The following TMC4 variants were observed in gnomAD, a reference collection of about 807,000 sequenced individuals.
TMC4 encodes the protein transmembrane channel like 4.
Under a neutral mutation model 82.0 loss-of-function variants are expected in TMC4, and 70 were observed. The ratio of observed to expected loss-of-function variants is 0.85; its 90% CI spans 0.70 to 1.04. TMC4 has a LOEUF of 1.04. Ranked by LOEUF, TMC4 falls within the 50% of genes least tolerant of loss-of-function variation. TMC4 has a pLI of 0.00. For missense variants in TMC4, 879 were observed against 899.0 expected (o/e 0.98, Z 0.28); for synonymous variants, 446 against 406.0 (o/e 1.10, Z -1.18).
intron 3 of TMC4, 142 bp downstream of exon 3, chr19:54,169,370 C>T (rs1481226589): frequency 1.8e-6 from 2 of 1,135,852 alleles, no homozygotes; most frequent in African/African-American, 3.2e-5. Flanking sequence ...AGTCCAGACC[C>T]CCAGCCCCTC....
At position 54,163,509 on chromosome 19, in the gene TMC4, T is replaced by C. The variant is rs547651297; in HGVS notation, c.1277+215A>G. 7.9e-6 allele frequency: 5 copies of C among 633,760 alleles called. No homozygotes were observed. In the South Asian group the frequency reaches 9.4e-5, roughly 12 times the overall value. 39.3% of individuals were successfully genotyped at this position (633,760 alleles called of 1,614,324 possible). On this transcript the variant is annotated intron_variant, in intron 8 of 14. Transcript: ENST00000619895. Reference sequence around the variant, plus strand: ...TTTTACTACAGACGGGGTTTCATCATGTTTGTCAGGCTGGTCTCGAACTCC... The same window carrying C: ...TTTTACTACAGACGGGGTTTCATCACGTTTGTCAGGCTGGTCTCGAACTCC...
At chr19:54,169,414 C>T in intron 3 of TMC4, 98 bp downstream of exon 3, 1 of 1,473,054 alleles carries the variant, frequency 6.8e-7, no homozygotes, top group Non-Finnish European at 9.0e-7. Context: ...GCCCAAGCCC[C>T]TCCTCCCTCA....
At chr19:54,162,060 A>G (rs746862124) in intron 11 of TMC4, 42 bp downstream of exon 11, 5 of 1,548,988 alleles carry the variant, frequency 3.2e-6, no homozygotes, top group African/African-American at 1.4e-5. Flanking sequence ...GCGGGCCCCA[A>G]TACCTCCTGC....
Position 54,161,236 on chromosome 19 carries a change from G to A in TMC4, c.1711C>T (p.Pro571Ser). 1.3e-6 allele frequency: 2 copies of A among 1,560,736 alleles called. No individual in the cohort carries two copies. The highest frequency in any genetic ancestry group is 1.7e-6 in the Non-Finnish European group (2 of 1,154,884). The change falls in exon 12 of 15, where the codon CCG becomes TCG. Residue 571 changes from proline (P) to serine (S), a missense_variant. Pro to Ser is a moderately conservative substitution (Grantham distance 74). Coordinates refer to ENST00000619895, the MANE Select transcript of TMC4 (RefSeq NM_144686.4). ...GAGGCCCGGAAGGTGCGGGCAGCCG[G>A]GGAGCAGGTGGAGAAGAGGGTAAGC... ...KKLTLFSTCS[P>S]AARTFRASAA...
In TMC4 at chr19:54,168,264, T is replaced by G; in HGVS notation, c.704A>C (p.Tyr235Ser). The G allele has an allele frequency of 6.4e-7, 1 of 1,556,972 alleles. No individual in the cohort carries two copies. Among genetic ancestry groups the G allele is most frequent in the African/African-American group, 1.4e-5 (1 of 73,288 alleles). ...EGYLEWSPLFYGFYPPRPRLA... is the reference protein window; with the variant it reads ...EGYLEWSPLFSGFYPPRPRLA... ...GCGTGGGCGGGGCGGGTAGAAGCCATAGAAGAGAGGGGACCATTCCAGGTA... is the reference window on the plus strand; with the variant it reads ...GCGTGGGCGGGGCGGGTAGAAGCCAGAGAAGAGAGGGGACCATTCCAGGTA... Residue 235 changes from tyrosine to serine, a missense_variant, in exon 5 of 15, where the codon TAT becomes TCT. Physicochemically the swap from Tyr to Ser is moderately radical, Grantham distance 144. Coordinates refer to ENST00000619895, the MANE Select transcript of TMC4 (RefSeq NM_144686.4).
intron 3 of TMC4, 79 bp from the exon 4 acceptor site, chr19:54,168,759 A>G: frequency 1.4e-6 from 1 of 719,904 alleles, no homozygotes; most frequent in Non-Finnish European, 2.0e-6. Context: ...ACTGGGGTCC[A>G]GCCGCGCCTT....
rs927086657 is a variant in TMC4 at position 54,167,379 on chromosome 19, G to A, written c.797+792C>T. 2.0e-5 allele frequency among the ~76,000 whole-genome samples: 3 copies of A among 151,930 alleles called. 1 individual carries two copies. The South Asian group carries it at 6.2e-4, about 32-fold the overall frequency. On this transcript the variant is annotated intron_variant, in intron 5 of 14. Transcript: ENST00000619895. Reference sequence around the variant, plus strand: ...TCGAGACCAGCCTGGCCAACATGGCGATACCCCGTCTCTACTAAAAATACA... The same window carrying A: ...TCGAGACCAGCCTGGCCAACATGGCAATACCCCGTCTCTACTAAAAATACA...
At chr19:54,172,951 G>C (rs925666621) in intron 1 of TMC4, 88 bp downstream of exon 1, 1 of 1,161,656 alleles carries the variant, frequency 8.6e-7, no homozygotes, top group Non-Finnish European at 1.2e-6. Context: ...TCAGACTCAG[G>C]AGGCCAGGCC....
chr19:54,168,361 G>C, intron 4 of TMC4, 69 bp from the exon 5 acceptor site: 1 of 1,529,110 alleles, frequency 6.5e-7, no homozygotes, highest in Non-Finnish European at 8.8e-7. Flanking sequence ...CACAGTCAGG[G>C]TCTGGGGTCA....
Position 54,168,140 on chromosome 19 carries a change from G to A in TMC4, c.797+31C>T, listed in dbSNP as rs199692588. On this transcript the variant is annotated intron_variant, in intron 5 of 14. Coordinates refer to ENST00000619895, the MANE Select transcript of TMC4 (RefSeq NM_144686.4). Reference sequence around the variant, plus strand: ...TTGCTTCCCCACCCCAACCCGTCCCGTCAGGGGTCAGGGGTGCAGGTGCCA... The same window carrying A: ...TTGCTTCCCCACCCCAACCCGTCCCATCAGGGGTCAGGGGTGCAGGTGCCA... The A allele has an allele frequency of 1.8e-3, 2,882 of 1,586,548 alleles. 9 individuals carry two copies. Among genetic ancestry groups the A allele is most frequent in the Non-Finnish European group, 2.1e-3 (2,418 of 1,165,166 alleles).
At chr19:54,161,799 C>G (rs1209978933) in intron 11 of TMC4, among the ~76,000 whole-genome samples, 1 of 152,220 alleles carries the variant, frequency 6.6e-6, no homozygotes, top group Non-Finnish European at 1.5e-5. Flanking sequence ...GCCTTAGTCT[C>G]CCGAAGTGCT....
rs2075645811 is a variant in TMC4, at chr19:54,164,300, C to A, written c.1113+134G>T. The A allele has an allele frequency of 2.5e-6, 3 of 1,183,218 alleles. No homozygotes were observed. In the African/African-American group the frequency reaches 4.6e-5, roughly 18 times the overall value. The allele number at this position is 1,183,218 out of a possible 1,614,324, so 73.3% of individuals were successfully genotyped here. A position where few individuals can be genotyped will look rare whatever the true frequency, so the allele number is the denominator to read the frequency against. On this transcript the variant is annotated intron_variant, in intron 7 of 14. Transcript: ENST00000619895. ...TCTTTTTCCTTTAAAATCCCTAAGT[C>A]CAGGGTCCGAACATACCCTCTCCCA...
chr19:54,164,272 C>T (rs1394029511), intron 7 of TMC4, among the ~76,000 whole-genome samples, 162 bp downstream of exon 7: 1 of 152,096 alleles, frequency 6.6e-6, no homozygotes, highest in East Asian at 1.9e-4. Flanking sequence ...CGCGCCCAGC[C>T]TCTCTTTTTC....
rs1377408030 is a variant in TMC4 at position 54,172,053 on chromosome 19, A to T, written c.110T>A (p.Leu37Gln). ...GPSLSSVLNE[L>Q]PSAATLRYRD... ...GTACCGAAGGGTGGCAGCACTGGGC[A>T]GCTCGTTCAGCACAGAAGACAGCGA... Residue 37 changes from leucine to glutamine, a missense_variant, in exon 2 of 15, where the codon CTG becomes CAG. Physicochemically the swap from Leu to Gln is moderately radical, Grantham distance 113. Transcript: ENST00000619895. 37 of 1,610,738 alleles carry T rather than the reference A, an allele frequency of 2.3e-5. No individual in the cohort carries two copies. Among genetic ancestry groups the T allele is most frequent in the Non-Finnish European group, 3.1e-5 (36 of 1,178,326 alleles).
At position 54,170,365 on chromosome 19, in the gene TMC4, G is replaced by GGT. The variant is rs747835937; in HGVS notation, c.294-707_294-706dup. Among the ~76,000 whole-genome samples the GGT allele has an allele frequency of 8.7e-4, 132 of 151,782 alleles. 1 individual carries two copies. Among genetic ancestry groups the GGT allele is most frequent in the Non-Finnish European group, 1.3e-3 (88 of 67,954 alleles). ...AAAAAAAAAAAGGTTAGGGAGAAGAGGTTACCTTGTATTTGTGAGGAAAAA... is the reference window on the plus strand; with the variant it reads ...AAAAAAAAAAAGGTTAGGGAGAAGAGGTGTTACCTTGTATTTGTGAGGAAAAA... On this transcript the variant is annotated intron_variant, in intron 2 of 14. Coordinates refer to ENST00000619895, the MANE Select transcript of TMC4 (RefSeq NM_144686.4).
At chr19:54,160,408 T>C (rs1430001286) in intron 14 of TMC4, 34 bp from the exon 15 acceptor site, 2 of 1,585,274 alleles carry the variant, frequency 1.3e-6, no homozygotes, top group African/African-American at 1.4e-5. Context: ...GAGACAATCC[T>C]CTTCCCCAAC....
chr19:54,168,086 C>T, intron 5 of TMC4, 85 bp downstream of exon 5: 4 of 1,425,002 alleles, frequency 2.8e-6, no homozygotes, highest in Non-Finnish European at 3.8e-6. Flanking sequence ...ACTGAGGATT[C>T]TTGGGGAGGG....
Position 54,162,048 on chromosome 19 carries a change from G to C in TMC4, c.1686+54C>G. The C allele has an allele frequency of 8.0e-6, 12 of 1,493,744 alleles. No individual in the cohort carries two copies. The South Asian group carries it at 1.5e-4, about 18-fold the overall frequency. The allele number at this position is 1,493,744 out of a possible 1,614,324, so 92.5% of individuals were successfully genotyped here. A position where few individuals can be genotyped will look rare whatever the true frequency, so the allele number is the denominator to read the frequency against. Reference sequence around the variant, plus strand: ...GATCTTCCTTGCCCTTGACCCAGGAGTGCGGGCCCCAATACCTCCTGCCTC... The same window carrying C: ...GATCTTCCTTGCCCTTGACCCAGGACTGCGGGCCCCAATACCTCCTGCCTC... On this transcript the variant is annotated intron_variant, in intron 11 of 14. Transcript: ENST00000619895.
In TMC4 at chr19:54,160,616, A is replaced by G. The variant is rs572032804; in HGVS notation, c.1974-71T>C. ...TATATCCAAACGTCTGGCTCCTTCGAAGCCAGGGATGTGGACGCCTAAGCC... is the reference window on the plus strand; with the variant it reads ...TATATCCAAACGTCTGGCTCCTTCGGAGCCAGGGATGTGGACGCCTAAGCC... On this transcript the variant is annotated intron_variant, in intron 13 of 14. Coordinates refer to ENST00000619895, the MANE Select transcript of TMC4 (RefSeq NM_144686.4). 7.4e-5 allele frequency: 118 copies of G among 1,605,178 alleles called. No individual in the cohort carries two copies. The Middle Eastern group carries it at 1.5e-3, about 20-fold the overall frequency.
Sources: gnomAD v4.1 joint callset for allele counts (sites outside exome capture counted in the v4.1 genomes callset) on GRCh38, gnomAD v4.1.1 for gene constraint, MANE v1.5 for transcripts, NCBI Gene and HGNC (gene_info 2026-07-23, HGNC 2026-07-21) for gene names.